ZNF532: variants seen among roughly 807,000 people sequenced by gnomAD.
The protein encoded by ZNF532 is zinc finger protein 532.
Under a neutral mutation model 89.3 loss-of-function variants are expected in ZNF532, and 22 were observed. The observed-to-expected ratio is 0.25, with a 90% CI of 0.18 to 0.35. ZNF532 has a LOEUF of 0.35. ZNF532 is among the 10% of genes least tolerant of loss of function. The pLI is 1.00. For missense variants in ZNF532, 1,132 were observed against 1,643.4 expected (o/e 0.69, Z 5.38); for synonymous variants, 606 against 649.6 (o/e 0.93, Z 1.02).
chr18:58,946,244 T>C (rs996297725), intron 5 of ZNF532, among the ~76,000 whole-genome samples: 14 of 152,006 alleles, frequency 9.2e-5, no homozygotes, highest in Non-Finnish European at 2.1e-4. Context: ...AATCTTTCCA[T>C]GCCATTGGTA....
At position 58,953,817 on chromosome 18, in the gene ZNF532, G is replaced by A. The variant is rs1568412458; in HGVS notation, c.3150+18G>A. The A allele has an allele frequency of 1.2e-6, 2 of 1,606,184 alleles. No homozygotes were observed. Among genetic ancestry groups the A allele is most frequent in the Non-Finnish European group, 1.7e-6 (2 of 1,175,158 alleles). ...ACGGGAAGGTCAGTAAAGAATGAAA[G>A]CTGCTCTGGGTGAGTGCAAGAGAGG... is the stretch of plus-strand genomic sequence containing the variant. On this transcript the variant is annotated intron_variant, in intron 7 of 9. Coordinates refer to ENST00000591808, the MANE Select transcript of ZNF532 (RefSeq NM_001375912.1).
intron 7 of ZNF532, among the ~76,000 whole-genome samples, chr18:58,963,604 TGTGTGTGTGTGTG>T (rs1402414966): frequency 1.1e-3 from 7 of 6,146 alleles, no homozygotes; most frequent in Admixed American, 6.8e-3. Flanking sequence ...AAGAAAAAAA[TGTGTGTGTGTGTG>T]TGTGTGTGTG....
chr18:58,962,968 C>T (rs1161058637), intron 7 of ZNF532, among the ~76,000 whole-genome samples: 1 of 152,170 alleles, frequency 6.6e-6, no homozygotes, highest in African/African-American at 2.4e-5. Flanking sequence ...ACTCATACCA[C>T]CTGGGATCTG....
In ZNF532 at chr18:58,918,255, T is replaced by G; in HGVS notation, c.-17-16T>G. On this transcript the variant is annotated splice_polypyrimidine_tract_variant and intron_variant, in intron 2 of 9. Transcript: ENST00000591808. ...ATACCAATTACTGATGGAACTATTT[T>G]CTGCTCATTTAACAGAACATCTGCT... 1 of 1,593,772 alleles carries G rather than the reference T, an allele frequency of 6.3e-7. No homozygotes were observed. The highest frequency in any genetic ancestry group is 8.6e-7 in the Non-Finnish European group (1 of 1,168,996).
chr18:58,946,934 T>C (rs1269346355), intron 5 of ZNF532, among the ~76,000 whole-genome samples: 2 of 152,070 alleles, frequency 1.3e-5, no homozygotes, highest in Non-Finnish European at 2.9e-5. Context: ...TGGGAAGTCC[T>C]CTCTCAGGGC....
intron 2 of ZNF532, among the ~76,000 whole-genome samples, chr18:58,880,786 G>GTGTGTGTGTGTGTGTGTGTGTGTGTA (rs1555704837): frequency 2.0e-5 from 3 of 151,866 alleles, no homozygotes; most frequent in Non-Finnish European, 4.4e-5. Context: ...GTGTGTGTGT[G>GTGTGTGTGTGTGTGTGTGTGTGTGTA]TGTATGTTTG....
At chr18:58,982,491 C>T (rs1218604729) in intron 9 of ZNF532, among the ~76,000 whole-genome samples, 3 of 151,598 alleles carry the variant, frequency 2.0e-5, no homozygotes, top group Non-Finnish European at 4.4e-5. Flanking sequence ...CGTGGTGGTG[C>T]ACACCTGTAA....
intron 7 of ZNF532, chr18:58,963,968 A>G (rs1377576273): frequency 6.6e-6 from 1 of 152,230 alleles, no homozygotes; most frequent in African/African-American, 2.4e-5. Context: ...AAAACGTTAC[A>G]TCTCCATGTT....
intron 7 of ZNF532, among the ~76,000 whole-genome samples, chr18:58,978,483 A>G (rs1033323365): frequency 3.3e-5 from 5 of 152,184 alleles, no homozygotes; most frequent in Non-Finnish European, 5.9e-5. Context: ...ATATAATGTT[A>G]TTTCAAATAC....
intron 7 of ZNF532, among the ~76,000 whole-genome samples, chr18:58,963,779 G>T (rs916484259): frequency 4.2e-5 from 6 of 143,302 alleles, no homozygotes; most frequent in Admixed American, 2.9e-4. Context: ...CCGCAGTCGT[G>T]TCACTGCACT....
chr18:58,948,430 C>A (rs2063847097), intron 6 of ZNF532, among the ~76,000 whole-genome samples: 1 of 152,144 alleles, frequency 6.6e-6, no homozygotes, highest in Non-Finnish European at 1.5e-5. Flanking sequence ...GAGTCCTGAT[C>A]TGCCTACTAA....
chr18:58,976,975 C>T (rs1045015148), intron 7 of ZNF532, among the ~76,000 whole-genome samples: 4 of 152,000 alleles, frequency 2.6e-5, no homozygotes, highest in African/African-American at 9.7e-5. Context: ...AATGCTAATC[C>T]AAGAGGTTAG....
chr18:58,910,354 C>T (rs1436513539), intron 2 of ZNF532, among the ~76,000 whole-genome samples: 1 of 152,120 alleles, frequency 6.6e-6, no homozygotes, highest in Non-Finnish European at 1.5e-5. Flanking sequence ...TCAGTGTAGT[C>T]ATGTTATTCA....
intron 5 of ZNF532, among the ~76,000 whole-genome samples, chr18:58,946,570 C>A (rs1051826088): frequency 1.3e-5 from 2 of 152,040 alleles, no homozygotes; most frequent in Non-Finnish European, 2.9e-5. Context: ...ACCATGCTGG[C>A]CTAGTTTTCT....
intron 2 of ZNF532, among the ~76,000 whole-genome samples, chr18:58,875,667 G>A (rs1469712299): frequency 1.3e-5 from 2 of 152,094 alleles, no homozygotes; most frequent in Non-Finnish European, 2.9e-5. Flanking sequence ...TATACTTACT[G>A]TCCCCTGTAA....
chr18:58,893,130 C>T (rs1458863256), intron 2 of ZNF532, among the ~76,000 whole-genome samples: 1 of 151,974 alleles, frequency 6.6e-6, no homozygotes, highest in East Asian at 1.9e-4. Context: ...AGGCGTGTGC[C>T]ACCGCACCCA....
rs1338237805 is a variant in ZNF532, at chr18:58,942,345, CCCTCCCTTCCTTCCTTCCTTCCTTCCTT to C, written c.2705+2728_2705+2755del. On this transcript the variant is annotated intron_variant, in intron 5 of 9. Coordinates refer to ENST00000591808, the MANE Select transcript of ZNF532 (RefSeq NM_001375912.1). ...CCCCTCCCTCCCTCCCTCCCTCCCT[CCCTCCCTTCCTTCCTTCCTTCCTTCCTT>C]CCTTCCTTCCTTCCTTCCTTCCTTC... 2.2e-3 allele frequency among the ~76,000 whole-genome samples: 166 copies of C among 74,714 alleles called. 2 individuals are homozygous for C. Among genetic ancestry groups the C allele is most frequent in the Non-Finnish European group, 2.9e-3 (113 of 39,588 alleles). The allele number at this position is 74,714 out of a possible 152,430, so 49.0% of individuals were successfully genotyped here.
chr18:58,907,975 A>G (rs113110508), intron 2 of ZNF532, among the ~76,000 whole-genome samples: 1,707 of 152,306 alleles, frequency 0.011, 26 homozygotes, highest in Middle Eastern at 0.044. Context: ...CTGGCCAAAT[A>G]GGTCTCCTGC....
At chr18:58,982,570 C>T (rs1453219293) in intron 9 of ZNF532, among the ~76,000 whole-genome samples, 1 of 151,888 alleles carries the variant, frequency 6.6e-6, no homozygotes, top group East Asian at 1.9e-4. Flanking sequence ...TGCAGTGTGC[C>T]AAGATCACGC....
Sources: gnomAD v4.1 joint callset for allele counts (sites outside exome capture counted in the v4.1 genomes callset) on GRCh38, gnomAD v4.1.1 for gene constraint, MANE v1.5 for transcripts, NCBI Gene and HGNC (gene_info 2026-07-23, HGNC 2026-07-21) for gene names.